The following ITPR3 variants were observed in gnomAD, a reference collection of about 807,000 sequenced individuals.
ITPR3 encodes inositol 1,4,5-trisphosphate-gated calcium channel ITPR3.
Under a neutral mutation model 293.2 loss-of-function variants are expected in ITPR3, and 173 were observed. The observed-to-expected ratio is 0.59, with a 90% CI of 0.52 to 0.67. ITPR3 has a LOEUF of 0.67. Ranked by LOEUF, ITPR3 falls within the 30% of genes least tolerant of loss-of-function variation. ITPR3 has a pLI of 0.00. For missense variants in ITPR3, 2,796 were observed against 3,592.1 expected (o/e 0.78, Z 5.66); for synonymous variants, 1,295 against 1,444.4 (o/e 0.90, Z 2.35).
In ITPR3 at chr6:33,662,539, G is replaced by A. The variant is rs1182873357; in HGVS notation, c.723G>A (p.Val241=). Residue 241 remains valine, a synonymous_variant, in exon 8 of 58, where the codon GTG becomes GTA. Coordinates refer to ENST00000605930, the MANE Select transcript of ITPR3 (RefSeq NM_002224.4). ...LEEVLKGGDV[V]RLFHAEQEKF... Reference sequence around the variant, plus strand: ...CCTGCTGCCTGCAGGGAGACGTGGTGCGGCTGTTCCATGCGGAGCAGGAGA... The same window carrying A: ...CCTGCTGCCTGCAGGGAGACGTGGTACGGCTGTTCCATGCGGAGCAGGAGA... 1.3e-6 allele frequency: 2 copies of A among 1,597,614 alleles called. No individual in the cohort carries two copies. The highest frequency in any genetic ancestry group is 1.1e-5 in the South Asian group (1 of 89,004).
rs1403175706 is a variant in ITPR3, at chr6:33,672,405, C to T, written c.2928+177C>T. The stretch of plus-strand genomic sequence containing the variant: ...CACAGTGTGGTTCTTGGGCCAGCCT[C>T]ACCTGGGAGCTTGTTAGAAGTGCAC... On this transcript the variant is annotated intron_variant, in intron 22 of 57. Transcript: ENST00000605930. The surrounding 1 kb of genome is among the most constrained non-coding windows in gnomAD (Gnocchi z 5.0). Among the ~76,000 whole-genome samples, 1 of 151,966 alleles carries T rather than the reference C, an allele frequency of 6.6e-6. No individual in the cohort carries two copies. The highest frequency in any genetic ancestry group is 1.9e-4 in the East Asian group (1 of 5,186).
chr6:33,621,464 G>A lies in ITPR3; in HGVS notation c.-139G>A. 5.4e-6 allele frequency: 3 copies of A among 550,786 alleles called. No individual in the cohort carries two copies. The highest frequency in any genetic ancestry group is 9.3e-6 in the Non-Finnish European group (3 of 323,764). 34.1% of individuals were successfully genotyped at this position (550,786 alleles called of 1,614,324 possible). ...TCCTGGCTCCCGTGGCCGCCAGCCC[G>A]CCCCGGCCGCACCGAGCGTCGGGAT... On this transcript the variant is annotated 5_prime_UTR_variant, in exon 1 of 58. Coordinates refer to ENST00000605930, the MANE Select transcript of ITPR3 (RefSeq NM_002224.4). This position sits in a 1 kb window ranked among gnomAD's most constrained non-coding sequence, Gnocchi z 7.7.
In ITPR3 at chr6:33,667,035, C is replaced by CT; in HGVS notation, c.1552-94_1552-93insT. 6.9e-7 allele frequency: 1 copy of CT among 1,448,862 alleles called. No homozygotes were observed. The allele number at this position is 1,448,862 out of a possible 1,614,324, so 89.8% of individuals were successfully genotyped here. On this transcript the variant is annotated intron_variant, in intron 14 of 57. Transcript: ENST00000605930. The surrounding 1 kb of genome is among the most constrained non-coding windows in gnomAD (Gnocchi z 4.4). ...GCTGATGTCCGGGCTGGCTTTAGGG[C>CT]AGAGTCAGTTGGGACTCAGGGATGA...
At chr6:33,681,056 T>C (rs1473223956) in intron 33 of ITPR3, among the ~76,000 whole-genome samples, 1 of 152,168 alleles carries the variant, frequency 6.6e-6, no homozygotes, top group African/African-American at 2.4e-5. Context: ...CCTGACCTCA[T>C]GATCCGCCCA....
At chr6:33,652,484 G>A (rs571519368) in intron 2 of ITPR3, among the ~76,000 whole-genome samples, 7 of 152,120 alleles carry the variant, frequency 4.6e-5, no homozygotes, top group African/African-American at 1.7e-4. Context: ...TTTTTGGGAC[G>A]AAGTCTTGCT....
rs997698961 is a variant in ITPR3, at chr6:33,688,536, G to A, written c.6568+105G>A. The A allele has an allele frequency of 1.3e-5, 19 of 1,518,362 alleles. No homozygotes were observed. The Admixed American group carries it at 1.4e-4, about 11-fold the overall frequency. 94.1% of individuals were successfully genotyped at this position (1,518,362 alleles called of 1,614,324 possible). ...CTGTGGGTGCCCTGCGCCCAACCCC[G>A]CCTCACCCCAAGGAAGGGCTCTTCC... On this transcript the variant is annotated intron_variant, in intron 48 of 57. Coordinates refer to ENST00000605930, the MANE Select transcript of ITPR3 (RefSeq NM_002224.4).
In ITPR3 at chr6:33,667,300, T is replaced by C; in HGVS notation, c.1713+10T>C. On this transcript the variant is annotated intron_variant, in intron 15 of 57. Coordinates refer to ENST00000605930, the MANE Select transcript of ITPR3 (RefSeq NM_002224.4). The surrounding 1 kb of genome is among the most constrained non-coding windows in gnomAD (Gnocchi z 4.4). ...CTACCGCAAGAACCAGGTGCGCCGCTGCCCTGCTGGCCCACTCGCTGGCTG... is the reference window on the plus strand; with the variant it reads ...CTACCGCAAGAACCAGGTGCGCCGCCGCCCTGCTGGCCCACTCGCTGGCTG... 1 of 1,610,416 alleles carries C rather than the reference T, an allele frequency of 6.2e-7. No homozygotes were observed. Among genetic ancestry groups the C allele is most frequent in the African/African-American group, 1.3e-5 (1 of 74,952 alleles).
chr6:33,695,895 CCA>C lies in ITPR3; in HGVS notation c.*117_*118del. The C allele has an allele frequency of 1.0e-6, 1 of 954,726 alleles. No individual in the cohort carries two copies. The highest frequency in any genetic ancestry group is 2.0e-5 in the Admixed American group (1 of 50,856). 59.1% of individuals were successfully genotyped at this position (954,726 alleles called of 1,614,324 possible). ...CCAGCCAGCTGGCCAGCCTCCACTC[CCA>C]CTCTGCCAGACACCCTGACACCCAC... On this transcript the variant is annotated 3_prime_UTR_variant, in exon 58 of 58. Coordinates refer to ENST00000605930, the MANE Select transcript of ITPR3 (RefSeq NM_002224.4).
At chr6:33,665,319 G>A in intron 13 of ITPR3, 106 bp downstream of exon 13, 1 of 1,450,464 alleles carries the variant, frequency 6.9e-7, no homozygotes, top group Admixed American at 2.0e-5. Context: ...ACTGGGGAGA[G>A]AGTAGGGGAC....
In ITPR3 at chr6:33,665,198, G is replaced by A; in HGVS notation, c.1394G>A (p.Ser465Asn). Residue 465 changes from serine to asparagine, a missense_variant, in exon 13 of 58, where the codon AGC becomes AAC. Transcript: ENST00000605930. The stretch of plus-strand genomic sequence containing the variant: ...GAGAAACTCAACGAGGGCTTCATCA[G>A]CCAGAATGACCGCAGGTGGGCTGCA... ...AVEKLNEGFISQNDRRFVIQL... is the reference protein window; with the variant it reads ...AVEKLNEGFINQNDRRFVIQL... The A allele has an allele frequency of 6.2e-7, 1 of 1,613,880 alleles. No homozygotes were observed. Among genetic ancestry groups the A allele is most frequent in the Non-Finnish European group, 8.5e-7 (1 of 1,179,808 alleles).
rs1328634368 is a variant in ITPR3, at chr6:33,655,555, A to G, written c.161-211A>G. ...CACCAAGTGAGATGCACTGCTCTCAAACCTGCCTCTGAGCCTCCCCATTCT... is the reference window on the plus strand; with the variant it reads ...CACCAAGTGAGATGCACTGCTCTCAGACCTGCCTCTGAGCCTCCCCATTCT... On this transcript the variant is annotated intron_variant, in intron 2 of 57. Coordinates refer to ENST00000605930, the MANE Select transcript of ITPR3 (RefSeq NM_002224.4). This position sits in a 1 kb window ranked among gnomAD's most constrained non-coding sequence, Gnocchi z 4.9. 6.6e-5 allele frequency among the ~76,000 whole-genome samples: 10 copies of G among 152,186 alleles called. No homozygotes were observed. Among genetic ancestry groups the G allele is most frequent in the Non-Finnish European group, 1.5e-4 (10 of 68,032 alleles).
At chr6:33,625,986 A>G (rs1178099089) in intron 1 of ITPR3, among the ~76,000 whole-genome samples, 1 of 152,132 alleles carries the variant, frequency 6.6e-6, no homozygotes, top group Non-Finnish European at 1.5e-5. Context: ...CCAGGCTGGA[A>G]TGCAGTAGTG....
In ITPR3 at chr6:33,671,215, C is replaced by T. The variant is rs763404955; in HGVS notation, c.2637C>T (p.Ser879=). The change falls in exon 21 of 58, where the codon AGC becomes AGT. Residue 879 remains serine, a synonymous_variant. Transcript: ENST00000605930. ...TCTACTTCGGCTTCTACAGCTTCAG[C>T]GAGCTGCTGCGGCTCACTCGCACAC... ...NLIYFGFYSF[S]ELLRLTRTLL... The T allele has an allele frequency of 8.7e-6, 14 of 1,613,592 alleles. No individual in the cohort carries two copies. The highest frequency in any genetic ancestry group is 4.0e-5 in the African/African-American group (3 of 74,900).
intron 2 of ITPR3, among the ~76,000 whole-genome samples, chr6:33,648,818 C>T (rs1764126720): frequency 1.3e-5 from 2 of 152,110 alleles, no homozygotes; most frequent in Non-Finnish European, 2.9e-5. Context: ...TGGTCTTGAA[C>T]TCCTAGGCTC....
Position 33,621,960 on chromosome 6 carries a change from G to A in ITPR3, c.89+269G>A, listed in dbSNP as rs1477482315. Among the ~76,000 whole-genome samples the A allele has an allele frequency of 2.0e-5, 3 of 152,238 alleles. No individual in the cohort carries two copies. Among genetic ancestry groups the A allele is most frequent in the African/African-American group, 7.2e-5 (3 of 41,468 alleles). On this transcript the variant is annotated intron_variant, in intron 1 of 57. Coordinates refer to ENST00000605930, the MANE Select transcript of ITPR3 (RefSeq NM_002224.4). This position sits in a 1 kb window ranked among gnomAD's most constrained non-coding sequence, Gnocchi z 7.7. ...CCCGCGCACGCCTTTGGAGGGGGCG[G>A]AGGGACGGAGGCTTCCTTTGCAGGT...
Position 33,666,543 on chromosome 6 carries a change from TACA to T in ITPR3, c.1551+572_1551+574del, listed in dbSNP as rs1219446884. Among the ~76,000 whole-genome samples the T allele has an allele frequency of 2.0e-5, 3 of 151,880 alleles. No homozygotes were observed. The highest frequency in any genetic ancestry group is 4.8e-5 in the African/African-American group (2 of 41,396). On this transcript the variant is annotated intron_variant, in intron 14 of 57. Transcript: ENST00000605930. This position sits in a 1 kb window ranked among gnomAD's most constrained non-coding sequence, Gnocchi z 5.1. Reference sequence around the variant, plus strand: ...AGTACATGATCACACCTAAGAAAATTACAACAATACCAAGTCCATATCACATTT... The same window carrying T: ...AGTACATGATCACACCTAAGAAAATTACAATACCAAGTCCATATCACATTT...
chr6:33,631,713 TCC>T (rs969005811), intron 1 of ITPR3, among the ~76,000 whole-genome samples: 1 of 152,052 alleles, frequency 6.6e-6, no homozygotes, highest in African/African-American at 2.4e-5. Flanking sequence ...AGCAGAGTGT[TCC>T]CCAACTCTTC....
chr6:33,680,678 C>A lies in ITPR3; in HGVS notation c.4474C>A (p.Gln1492Lys). ...SPFSENSTSLQTHQTIVVQLL... is the reference protein window; with the variant it reads ...SPFSENSTSLKTHQTIVVQLL... ...ATTCTCTGAGAACAGCACTTCCCTG[C>A]AGGTGAGCTTCTCCTCTCCCACCAC... The change falls in exon 33 of 58, where the codon CAG becomes AAG. Residue 1492 changes from glutamine to lysine, a missense_variant and splice_region_variant. Physicochemically the swap from Gln to Lys is moderately conservative, Grantham distance 53. Around this residue, in one of 8 missense-constraint regions of ITPR3, gnomAD observed 704 missense variants for 797.5 expected, o/e 0.88. Transcript: ENST00000605930. The A allele has an allele frequency of 6.2e-7, 1 of 1,611,468 alleles. No homozygotes were observed. Among genetic ancestry groups the A allele is most frequent in the Non-Finnish European group, 8.5e-7 (1 of 1,177,782 alleles).
rs1242020938 is a variant in ITPR3 at position 33,680,552 on chromosome 6, C to T, written c.4351-3C>T. On this transcript the variant is annotated splice_polypyrimidine_tract_variant and splice_region_variant and intron_variant, in intron 32 of 57. Transcript: ENST00000605930. ...CCCCAGCCATCCCTCTCTCCTGCCT[C>T]AGGTCTGCAGCAAGCGTGAGAAGCG... 1 of 1,613,414 alleles carries T rather than the reference C, an allele frequency of 6.2e-7. No homozygotes were observed. The highest frequency in any genetic ancestry group is 2.2e-5 in the East Asian group (1 of 44,878).
Sources: allele counts gnomAD v4.1 joint callset (sites outside exome capture counted in the v4.1 genomes callset), GRCh38; gene constraint gnomAD v4.1.1; regional missense constraint gnomAD v4.1.1; non-coding constraint Gnocchi (gnomAD v3.1); transcripts MANE v1.5; gene names NCBI Gene and HGNC (gene_info 2026-07-23, HGNC 2026-07-21).